The following BSDC1 variants were observed in gnomAD, a reference collection of about 807,000 sequenced individuals.
BSDC1 encodes BSD domain containing 1, also known as BSD domain-containing protein 1.
Under a neutral mutation model 56.0 loss-of-function variants are expected in BSDC1, and 29 were observed. The ratio of observed to expected loss-of-function variants is 0.52; its 90% CI spans 0.39 to 0.71. The LOEUF (loss-of-function observed/expected upper bound fraction) is 0.71. Ranked by LOEUF, BSDC1 falls within the 30% of genes least tolerant of loss-of-function variation. The pLI, the probability that BSDC1 is intolerant of heterozygous loss-of-function variation, is 0.00. For synonymous variants in BSDC1, 210 were observed against 215.3 expected (o/e 0.98, Z 0.21); for missense variants, 477 against 548.5 (o/e 0.87, Z 1.30).
intron 9 of BSDC1, among the ~76,000 whole-genome samples, chr1:32,373,159 A>G (rs1185450434): frequency 6.6e-6 from 1 of 151,958 alleles, no homozygotes. Context: ...TCTTCTTTTT[A>G]TTTCTTCTAC....
rs747835366 is a variant in BSDC1 at position 32,376,607 on chromosome 1, G to T, written c.811C>A (p.Pro271Thr). The change falls in exon 9 of 11, where the codon CCA (proline) becomes ACA (threonine). Residue 271 changes from proline to threonine, a missense_variant. Physicochemically the swap from Pro to Thr is conservative, Grantham distance 38. Transcript: ENST00000455895. ...EENLVTSVEP[P>T]AEVTPSESSE... Reference sequence around the variant, plus strand: ...CTCTCTGATGGAGTCACCTCTGCTGGGGGCTCAACTGAAGTCACCAGATTC... The same window carrying T: ...CTCTCTGATGGAGTCACCTCTGCTGTGGGCTCAACTGAAGTCACCAGATTC... The T allele has an allele frequency of 1.5e-5, 22 of 1,477,412 alleles. No individual in the cohort carries two copies. Among genetic ancestry groups the T allele is most frequent in the Non-Finnish European group, 2.0e-5 (22 of 1,102,960 alleles). 91.5% of individuals were successfully genotyped at this position (1,477,412 alleles called of 1,614,324 possible). A position where few individuals can be genotyped will look rare whatever the true frequency, so the allele number is the denominator to read the frequency against.
intron 3 of BSDC1, 33 bp downstream of exon 3, chr1:32,386,746 G>A: frequency 6.4e-7 from 1 of 1,556,282 alleles, no homozygotes; most frequent in South Asian, 1.1e-5. Flanking sequence ...GTTGCGAGGG[G>A]CAGTTACTTG....
At chr1:32,382,599 G>A (rs1267719264) in intron 4 of BSDC1, among the ~76,000 whole-genome samples, 1 of 151,590 alleles carries the variant, frequency 6.6e-6, no homozygotes, top group Non-Finnish European at 1.5e-5. Context: ...GGTGGCTTAC[G>A]CCTGTAATCT....
intron 4 of BSDC1, among the ~76,000 whole-genome samples, chr1:32,381,821 T>C (rs1351561232): frequency 6.6e-6 from 1 of 152,266 alleles, no homozygotes. Context: ...ACTGTCGTTA[T>C]AGCTCAAAAT....
intron 10 of BSDC1, chr1:32,368,013 A>T (rs1641913568): frequency 6.1e-6 from 7 of 1,150,004 alleles, no homozygotes; most frequent in South Asian, 4.8e-5. Flanking sequence ...GCAGGGTTTG[A>T]TGTCTGTTTT....
chr1:32,380,749 C>T (rs907370567), intron 5 of BSDC1, among the ~76,000 whole-genome samples: 10 of 152,168 alleles, frequency 6.6e-5, no homozygotes, highest in South Asian at 2.1e-4. Flanking sequence ...CCTGCTGCCC[C>T]GCTGCTCTGC....
intron 10 of BSDC1, chr1:32,367,891 AG>A (rs768478272): frequency 2.0e-6 from 2 of 1,010,480 alleles, no homozygotes; most frequent in Non-Finnish European, 2.4e-6. Flanking sequence ...ATGAGGAACC[AG>A]GGGCTCAGGT....
At position 32,366,643 on chromosome 1, in the gene BSDC1, T is replaced by C. The variant is rs1641863437; in HGVS notation, c.1272A>G (p.Val424=). Residue 424 remains valine, a synonymous_variant, in exon 11 of 11, where the codon GTA becomes GTG. Coordinates refer to ENST00000455895, the MANE Select transcript of BSDC1 (RefSeq NM_018045.8). ...KVDASGELED[V]EWEDWE is the part of the protein sequence containing the mutation. ...TCCCTCACTCCCAGTCCTCCCACTC[T>C]ACATCTTCCAGCTGCAAATGGGAGG... 4 of 1,471,726 alleles carry C rather than the reference T, an allele frequency of 2.7e-6. No homozygotes were observed. In the East Asian group the frequency reaches 1.0e-4, roughly 37 times the overall value. The allele number at this position is 1,471,726 out of a possible 1,614,324, so 91.2% of individuals were successfully genotyped here.
intron 5 of BSDC1, among the ~76,000 whole-genome samples, chr1:32,379,422 C>T (rs1019307469): frequency 2.6e-5 from 4 of 152,122 alleles, no homozygotes; most frequent in African/African-American, 9.7e-5. Flanking sequence ...GCAGCCCAGG[C>T]TACTCTCTTG....
At position 32,383,917 on chromosome 1, in the gene BSDC1, G is replaced by T. The variant is rs769157227; in HGVS notation, c.270C>A (p.Ala90=). The change falls in exon 4 of 11, where the codon GCC becomes GCA. Residue 90 remains alanine (A), a synonymous_variant. Transcript: ENST00000455895. ...AGTCGATGGTTTTGTCTGGCGAAGG[G>T]GCAAAGGTGTCTGAGATCACCCCTA... ...DFLGVISDTF[A]PSPDKTIDCD... 3 of 1,612,666 alleles carry T rather than the reference G, an allele frequency of 1.9e-6. No individual in the cohort carries two copies. Among genetic ancestry groups the T allele is most frequent in the Non-Finnish European group, 2.5e-6 (3 of 1,180,022 alleles).
rs891538892 is a variant in BSDC1 at position 32,368,586 on chromosome 1, A to C, written c.1157-36T>G. ...GAGCCACAGTGTGAAAAGCAGGAGG[A>C]GGCAGGGAAGGGGCACCTGAAGAGG... On this transcript the variant is annotated intron_variant, in intron 9 of 10. Coordinates refer to ENST00000455895, the MANE Select transcript of BSDC1 (RefSeq NM_018045.8). 12 of 1,612,856 alleles carry C rather than the reference A, an allele frequency of 7.4e-6. No homozygotes were observed. In the African/African-American group the frequency reaches 8.0e-5, roughly 11 times the overall value.
chr1:32,372,439 A>T (rs913128862), intron 9 of BSDC1, among the ~76,000 whole-genome samples: 1 of 152,216 alleles, frequency 6.6e-6, no homozygotes, highest in Non-Finnish European at 1.5e-5. Context: ...CTTAAATGCT[A>T]TGGCAGAACC....
chr1:32,389,784 C>CCACACACA (rs58560406), intron 2 of BSDC1, among the ~76,000 whole-genome samples: 10 of 145,986 alleles, frequency 6.8e-5, no homozygotes, highest in Admixed American at 3.5e-4. Context: ...AAAACCGTCT[C>CCACACACA]CACACACACA....
At chr1:32,386,736 G>C in intron 3 of BSDC1, 43 bp downstream of exon 3, 1 of 1,502,344 alleles carries the variant, frequency 6.7e-7, no homozygotes, top group East Asian at 2.3e-5. Flanking sequence ...GACAGGACAG[G>C]TTGCGAGGGG....
chr1:32,369,191 A>C (rs1429798124), intron 9 of BSDC1: 1 of 1,123,502 alleles, frequency 8.9e-7, no homozygotes, highest in African/African-American at 1.6e-5. Flanking sequence ...AGGCTGGAGA[A>C]GAACTTCACA....
intron 10 of BSDC1, chr1:32,366,963 G>A (rs1439159195): frequency 3.5e-6 from 4 of 1,135,388 alleles, no homozygotes; most frequent in Non-Finnish European, 4.3e-6. Context: ...GTCCTTTAAG[G>A]AGAACTTGCC....
Position 32,371,303 on chromosome 1 carries a change from C to CTTT in BSDC1, c.1157-2756_1157-2754dup, listed in dbSNP as rs963070889. On this transcript the variant is annotated intron_variant, in intron 9 of 10. Transcript: ENST00000455895. Reference sequence around the variant, plus strand: ...AAATGAACACATACGACTTTGTAATCTTTTTTTTTTTTTTTTTTTTTTTAT... The same window carrying CTTT: ...AAATGAACACATACGACTTTGTAATCTTTTTTTTTTTTTTTTTTTTTTTTTTAT... Among the ~76,000 whole-genome samples the CTTT allele has an allele frequency of 4.2e-4, 50 of 117,840 alleles. 2 individuals are homozygous for CTTT. The highest frequency in any genetic ancestry group is 1.2e-3 in the African/African-American group (35 of 29,500). 77.3% of individuals were successfully genotyped at this position (117,840 alleles called of 152,430 possible). A position where few individuals can be genotyped will look rare whatever the true frequency, so the allele number is the denominator to read the frequency against.
rs147926059 is a variant in BSDC1, at chr1:32,380,601, G to A, written c.412+613C>T. 8.5e-3 allele frequency among the ~76,000 whole-genome samples: 1,288 copies of A among 152,242 alleles called. 8 individuals are homozygous for A. Among genetic ancestry groups the A allele is most frequent in the Non-Finnish European group, 0.014 (931 of 68,026 alleles). ...GCGGAGGTTGCAGTGAGCCGAGATC[G>A]CGCCATTGCACTCCATCCTGGGAGA... On this transcript the variant is annotated intron_variant, in intron 5 of 10. Coordinates refer to ENST00000455895, the MANE Select transcript of BSDC1 (RefSeq NM_018045.8).
intron 10 of BSDC1, chr1:32,367,221 C>T (rs1158951426): frequency 1.1e-5 from 11 of 985,374 alleles, no homozygotes; most frequent in African/African-American, 7.0e-5. Flanking sequence ...CCCCACGGAA[C>T]GTTTTCTTGC....
Sources: allele counts gnomAD v4.1 joint callset (sites outside exome capture counted in the v4.1 genomes callset), GRCh38; gene constraint gnomAD v4.1.1; transcripts MANE v1.5; gene names NCBI Gene and HGNC (gene_info 2026-07-23, HGNC 2026-07-21).